Variants in DSCAM observed in about 807,000 individuals in gnomAD.
DSCAM encodes DS cell adhesion molecule.
DSCAM carries 47 observed loss-of-function variants against 217.7 expected under a neutral mutation model. The ratio of observed to expected loss-of-function variants is 0.22; its 90% CI spans 0.17 to 0.28. DSCAM has a LOEUF of 0.28. Among genes scored for constraint, DSCAM ranks in the 10% least tolerant of loss-of-function variants. DSCAM has a pLI of 1.00. For synonymous variants in DSCAM, 1,056 were observed against 1,015.3 expected, an observed-to-expected ratio of 1.04 and a Z score of -0.76; for missense variants, 2,080 against 2,618.3, an observed-to-expected ratio of 0.79 and a Z score of 4.49.
At chr21:40,222,168 A>G (rs1355213582) in intron 11 of DSCAM, among the ~76,000 whole-genome samples, 2 of 152,224 alleles carry the variant, frequency 1.3e-5, no homozygotes, top group Non-Finnish European at 2.9e-5. Context: ...TCTTCACCAC[A>G]TGCTTAACAC....
intron 14 of DSCAM, among the ~76,000 whole-genome samples, chr21:40,179,354 G>A (rs973153124): frequency 5.0e-4 from 76 of 152,162 alleles, no homozygotes; most frequent in African/African-American, 1.8e-3. Context: ...AGCCAGCTGA[G>A]TTCAGGGAGG....
intron 16 of DSCAM, among the ~76,000 whole-genome samples, chr21:40,149,819 C>A (rs1158531290): frequency 6.6e-6 from 1 of 150,716 alleles, no homozygotes; most frequent in Non-Finnish European, 1.5e-5. Flanking sequence ...CCATCACAAT[C>A]CCAACACCAA....
Position 40,380,714 on chromosome 21 carries a change from T to A in DSCAM, c.509-11469A>T, listed in dbSNP as rs2075011445. On this transcript the variant is annotated intron_variant, in intron 3 of 32. Transcript: ENST00000400454. Reference sequence around the variant, plus strand: ...AGAACAAGGTTAAAGGAAAAGTATGTTTGAGGCGGGAAAAACTGTGGCATA... The same window carrying A: ...AGAACAAGGTTAAAGGAAAAGTATGATTGAGGCGGGAAAAACTGTGGCATA... Among the ~76,000 whole-genome samples the A allele has an allele frequency of 2.0e-5, 3 of 152,150 alleles. 1 individual carries two copies. The South Asian group carries it at 6.2e-4, about 32-fold the overall frequency.
chr21:40,214,614 A>G (rs1203651139), intron 11 of DSCAM, among the ~76,000 whole-genome samples: 3 of 151,994 alleles, frequency 2.0e-5, no homozygotes, highest in Non-Finnish European at 4.4e-5. Context: ...ACCACTGAAC[A>G]TGTAAGGATT....
At chr21:40,342,806 C>G (rs1295542409) in intron 6 of DSCAM, among the ~76,000 whole-genome samples, 3 of 125,554 alleles carry the variant, frequency 2.4e-5, no homozygotes, top group Non-Finnish European at 3.1e-5. Flanking sequence ...AGGCTGGCCT[C>G]AAACTCCTGG....
chr21:40,293,987 A>G (rs1471386697), intron 10 of DSCAM, among the ~76,000 whole-genome samples: 1 of 152,226 alleles, frequency 6.6e-6, no homozygotes, highest in Non-Finnish European at 1.5e-5. Flanking sequence ...GACAGGACTG[A>G]CAGTCTAGAG....
intron 1 of DSCAM, among the ~76,000 whole-genome samples, chr21:40,728,491 T>C (rs2090980524): frequency 6.6e-6 from 1 of 152,120 alleles, no homozygotes; most frequent in Admixed American, 6.5e-5. Context: ...CAATCTTGAC[T>C]CACTGCAACC....
chr21:40,253,356 A>C (rs983428206), intron 11 of DSCAM, among the ~76,000 whole-genome samples: 12 of 152,226 alleles, frequency 7.9e-5, no homozygotes, highest in African/African-American at 2.9e-4. Flanking sequence ...ACAATGCAGA[A>C]TATATCTGGT....
At chr21:40,102,220 A>T (rs451658) in intron 20 of DSCAM, among the ~76,000 whole-genome samples, 50,998 of 152,002 alleles carry the variant, frequency 0.34, 10,602 homozygotes, top group South Asian at 0.54. Context: ...TATTTATAAG[A>T]TGCCTAAAAA....
At chr21:40,596,990 T>C (rs1434504086) in intron 3 of DSCAM, among the ~76,000 whole-genome samples, 3 of 151,734 alleles carry the variant, frequency 2.0e-5, no homozygotes, top group Non-Finnish European at 4.4e-5. Context: ...ACTTGTCTTT[T>C]CCCTTAAAAT....
chr21:40,457,362 G>A (rs2075772197), intron 3 of DSCAM, among the ~76,000 whole-genome samples: 1 of 151,924 alleles, frequency 6.6e-6, no homozygotes, highest in South Asian at 2.1e-4. Flanking sequence ...AATATACAAA[G>A]TTAGTCAGGT....
At chr21:40,208,809 C>T (rs1403526698) in intron 11 of DSCAM, among the ~76,000 whole-genome samples, 3 of 152,124 alleles carry the variant, frequency 2.0e-5, no homozygotes, top group Non-Finnish European at 4.4e-5. Flanking sequence ...CTTTCACTGC[C>T]CTACTCCTCC....
At chr21:40,609,634 T>C (rs2089287258) in intron 3 of DSCAM, among the ~76,000 whole-genome samples, 2 of 152,196 alleles carry the variant, frequency 1.3e-5, no homozygotes, top group South Asian at 4.1e-4. Context: ...AGGGATGAAC[T>C]TCTGTGAGAA....
intron 3 of DSCAM, among the ~76,000 whole-genome samples, chr21:40,536,141 A>G (rs1421261538): frequency 6.6e-6 from 1 of 152,170 alleles, no homozygotes; most frequent in African/African-American, 2.4e-5. Flanking sequence ...AAACAATGAA[A>G]GTGGGCATCA....
At chr21:40,410,168 A>G (rs1187636570) in intron 3 of DSCAM, among the ~76,000 whole-genome samples, 1 of 152,128 alleles carries the variant, frequency 6.6e-6, no homozygotes, top group Non-Finnish European at 1.5e-5. Flanking sequence ...TAAAAATTAA[A>G]CCCAAGTAAG....
At chr21:40,184,273 C>T (rs1471864293) in intron 14 of DSCAM, among the ~76,000 whole-genome samples, 1 of 152,180 alleles carries the variant, frequency 6.6e-6, no homozygotes, top group Non-Finnish European at 1.5e-5. Flanking sequence ...GAAACTAATA[C>T]ATGAAAAATC....
intron 3 of DSCAM, among the ~76,000 whole-genome samples, chr21:40,626,647 C>G (rs894891539): frequency 6.6e-6 from 1 of 152,150 alleles, no homozygotes; most frequent in African/African-American, 2.4e-5. Context: ...TCTTTGACAC[C>G]ACTTATGTGG....
chr21:40,576,255 GCAA>G (rs1186012032), intron 3 of DSCAM, among the ~76,000 whole-genome samples: 2 of 152,190 alleles, frequency 1.3e-5, no homozygotes, highest in African/African-American at 4.8e-5. Context: ...TCTGAAATCA[GCAA>G]CAACATGTGT....
chr21:40,208,749 C>T (rs892939346), intron 11 of DSCAM, among the ~76,000 whole-genome samples: 1 of 152,168 alleles, frequency 6.6e-6, no homozygotes. Flanking sequence ...TTTAGCCCTA[C>T]ACAAAATCCC....
Sources: gnomAD v4.1 joint callset for allele counts (sites outside exome capture counted in the v4.1 genomes callset) on GRCh38, gnomAD v4.1.1 for gene constraint, MANE v1.5 for transcripts, NCBI Gene and HGNC (gene_info 2026-07-23, HGNC 2026-07-21) for gene names.